Variants in SLC2A12 observed in about 807,000 individuals in gnomAD.
SLC2A12 encodes solute carrier family 2 member 12, also known as solute carrier family 2, facilitated glucose transporter member 12.
In SLC2A12, 23 loss-of-function variants were observed where a neutral mutation model predicts 41.8. The ratio of observed to expected loss-of-function variants is 0.55; its 90% confidence interval spans 0.40 to 0.78. The LOEUF (loss-of-function observed/expected upper bound fraction) is 0.78, where lower values mean the gene tolerates loss of function less well. SLC2A12 is among the 30% of genes least tolerant of loss of function. SLC2A12 has a pLI of 0.00. For missense variants in SLC2A12, 654 were observed against 745.6 expected, an observed-to-expected ratio of 0.88 and a Z score of 1.43; for synonymous variants, 295 against 285.9, an observed-to-expected ratio of 1.03 and a Z score of -0.32.
chr6:134,040,072 G>GT (rs1777362116), intron 1 of SLC2A12, among the ~76,000 whole-genome samples: 1 of 111,762 alleles, frequency 8.9e-6, no homozygotes, highest in African/African-American at 3.3e-5. Flanking sequence ...TTTTTTTTTT[G>GT]TTTTTTGTTT....
At chr6:134,051,077 G>A (rs1163844650) in intron 1 of SLC2A12, among the ~76,000 whole-genome samples, 2 of 152,068 alleles carry the variant, frequency 1.3e-5, no homozygotes, top group African/African-American at 2.4e-5. Context: ...ACTATGCTCA[G>A]CTAATTTTTT....
chr6:134,007,785 C>A (rs1049183439), intron 2 of SLC2A12, among the ~76,000 whole-genome samples: 3 of 152,140 alleles, frequency 2.0e-5, no homozygotes, highest in African/African-American at 7.2e-5. Flanking sequence ...CTCATTTGAT[C>A]CTCACAAACC....
intron 2 of SLC2A12, among the ~76,000 whole-genome samples, chr6:134,010,941 C>T (rs2114440278): frequency 6.6e-6 from 1 of 152,220 alleles, no homozygotes; most frequent in East Asian, 1.9e-4. Flanking sequence ...ACCTTCTATG[C>T]CTTCAGATTT....
chr6:134,046,977 A>G (rs929814489), intron 1 of SLC2A12, among the ~76,000 whole-genome samples: 1 of 152,224 alleles, frequency 6.6e-6, no homozygotes, highest in Non-Finnish European at 1.5e-5. Context: ...TATTTGACTC[A>G]GTTTCAGCTG....
At chr6:133,991,440 T>C in intron 4 of SLC2A12, 132 bp from the exon 5 acceptor site, 1 of 990,108 alleles carries the variant, frequency 1.0e-6, no homozygotes. Context: ...ACATTTTTAT[T>C]AGGAATCCTG....
intron 1 of SLC2A12, among the ~76,000 whole-genome samples, chr6:134,032,466 T>TATATATAAATA (rs1562201745): frequency 3.0e-5 from 1 of 33,212 alleles, no homozygotes; most frequent in African/African-American, 1.5e-4. Flanking sequence ...ATATATATAT[T>TATATATAAATA]TTTATATATA....
chr6:134,010,170 A>G (rs116155548), intron 2 of SLC2A12, among the ~76,000 whole-genome samples: 107 of 152,296 alleles, frequency 7.0e-4, no homozygotes, highest in African/African-American at 2.5e-3. Flanking sequence ...TGATGTGTTT[A>G]TGTTTATAAT....
intron 1 of SLC2A12, among the ~76,000 whole-genome samples, chr6:134,045,353 G>A (rs1177728097): frequency 6.6e-6 from 1 of 152,178 alleles, no homozygotes; most frequent in Non-Finnish European, 1.5e-5. Context: ...CTGGATTTAG[G>A]AAAGTAAGGT....
intron 1 of SLC2A12, among the ~76,000 whole-genome samples, chr6:134,035,811 G>A (rs983792909): frequency 6.6e-6 from 1 of 152,156 alleles, no homozygotes; most frequent in Admixed American, 6.5e-5. Flanking sequence ...TCTTTATTAA[G>A]GTGATAAAGT....
At chr6:134,052,136 G>A (rs1773692252) in intron 1 of SLC2A12, among the ~76,000 whole-genome samples, 1 of 151,844 alleles carries the variant, frequency 6.6e-6, no homozygotes, top group Admixed American at 6.6e-5. Flanking sequence ...GGCACATAAG[G>A]TTCCACCAAG....
intron 2 of SLC2A12, among the ~76,000 whole-genome samples, chr6:134,026,344 T>C (rs1370572306): frequency 6.6e-6 from 1 of 152,220 alleles, no homozygotes; most frequent in African/African-American, 2.4e-5. Context: ...TTATTGTACT[T>C]GTTAACATAG....
In SLC2A12 at chr6:134,004,919, G is replaced by T. The variant is rs905267062; in HGVS notation, c.1567+1893C>A. ...ACAGCGAGACAACCAGACCTCATGT[G>T]CCTCCTGTTGGCAGTTCACACGGCA... is the stretch of plus-strand genomic sequence containing the variant. On this transcript the variant is annotated intron_variant, in intron 3 of 4. Transcript: ENST00000275230. Among the ~76,000 whole-genome samples the T allele has an allele frequency of 3.3e-5, 5 of 152,258 alleles. No individual in the cohort carries two copies. In the East Asian group the frequency reaches 7.7e-4, roughly 23 times the overall value.
chr6:134,030,268 G>A (rs1020810950), intron 1 of SLC2A12, among the ~76,000 whole-genome samples: 1 of 152,186 alleles, frequency 6.6e-6, no homozygotes, highest in Non-Finnish European at 1.5e-5. Flanking sequence ...TGCTGCAAAT[G>A]GCCTCTGCTG....
intron 3 of SLC2A12, among the ~76,000 whole-genome samples, chr6:134,003,978 G>A (rs1776781910): frequency 6.6e-6 from 1 of 152,208 alleles, no homozygotes; most frequent in South Asian, 2.1e-4. Flanking sequence ...AAATAAGTAG[G>A]AAATGTCAAG....
chr6:134,027,091 A>G (rs1415075796), intron 2 of SLC2A12, among the ~76,000 whole-genome samples: 1 of 152,224 alleles, frequency 6.6e-6, no homozygotes. Context: ...TACAGAGAGT[A>G]TAGCTCAGTC....
chr6:134,029,764 A>G (rs748337023), intron 1 of SLC2A12, 43 bp from the exon 2 acceptor site: 3 of 1,540,610 alleles, frequency 1.9e-6, no homozygotes, highest in South Asian at 1.2e-5. Flanking sequence ...TTCTCAGTTG[A>G]GATTTTAAAC....
chr6:133,988,766 A>G lies in SLC2A12; in HGVS notation c.*2389T>C, dbSNP rs1776575632. The G allele has an allele frequency of 6.6e-6, 1 of 151,900 alleles. No individual in the cohort carries two copies. The highest frequency in any genetic ancestry group is 1.5e-5 in the Non-Finnish European group (1 of 67,986). 9.4% of individuals were successfully genotyped at this position (151,900 alleles called of 1,614,324 possible). A position where few individuals can be genotyped will look rare whatever the true frequency, so the allele number is the denominator to read the frequency against. On this transcript the variant is annotated 3_prime_UTR_variant, in exon 5 of 5. Transcript: ENST00000275230. The stretch of plus-strand genomic sequence containing the variant: ...AAGTGTTTATTTCCTTTATTTTAAG[A>G]TTCAGTAGGATAGCCAAATTCATAG...
chr6:134,019,235 G>A (rs924023146), intron 2 of SLC2A12, among the ~76,000 whole-genome samples: 14 of 152,226 alleles, frequency 9.2e-5, no homozygotes, highest in Middle Eastern at 3.4e-3. Flanking sequence ...TATATTTTCC[G>A]GAGTTTCAGT....
intron 2 of SLC2A12, among the ~76,000 whole-genome samples, chr6:134,024,065 G>T (rs1262146944): frequency 1.3e-5 from 2 of 152,224 alleles, no homozygotes; most frequent in Non-Finnish European, 2.9e-5. Flanking sequence ...CGTGCACCCT[G>T]CTGCCGATCA....
Sources: gnomAD v4.1 joint callset for allele counts (sites outside exome capture counted in the v4.1 genomes callset) on GRCh38, gnomAD v4.1.1 for gene constraint, MANE v1.5 for transcripts, NCBI Gene and HGNC (gene_info 2026-07-23, HGNC 2026-07-21) for gene names.